Variants in VPS13B observed in about 807,000 individuals in gnomAD.
VPS13B encodes intermembrane lipid transfer protein VPS13B.
VPS13B carries 285 observed loss-of-function variants against 426.4 expected under a neutral mutation model. The ratio of observed to expected loss-of-function variants is 0.67; its 90% CI spans 0.61 to 0.74. The LOEUF (loss-of-function observed/expected upper bound fraction) is 0.74, where lower values mean the gene tolerates loss of function less well. Ranked by LOEUF, VPS13B falls within the 30% of genes least tolerant of loss-of-function variation. The pLI is 0.00. For synonymous variants in VPS13B, 1,676 were observed against 1,676.4 expected, an observed-to-expected ratio of 1.00 and a Z score of 0.01; for missense variants, 4,537 against 4,782.6, an observed-to-expected ratio of 0.95 and a Z score of 1.51.
intron 51 of VPS13B, among the ~76,000 whole-genome samples, chr8:99,832,118 C>T (rs1477565471): frequency 3.3e-5 from 5 of 151,764 alleles, no homozygotes; most frequent in Admixed American, 6.6e-5. Flanking sequence ...AAAAATTAGC[C>T]GGGCGTGGTG....
rs1434245435 is a variant in VPS13B, at chr8:99,172,823, TA to T, written c.2333+2661del. On this transcript the variant is annotated intron_variant, in intron 16 of 61. Transcript: ENST00000357162. The stretch of plus-strand genomic sequence containing the variant: ...GACATTATCCCAGTTACTGAGTCTT[TA>T]TGACGTACTTTTGGTTTATAGCCAT... Among the ~76,000 whole-genome samples the T allele has an allele frequency of 3.3e-5, 5 of 152,178 alleles. No individual in the cohort carries two copies. In the East Asian group the frequency reaches 9.6e-4, roughly 29 times the overall value.
chr8:99,179,236 C>T (rs963778258), intron 16 of VPS13B, among the ~76,000 whole-genome samples: 13 of 152,122 alleles, frequency 8.5e-5, no homozygotes, highest in African/African-American at 2.4e-4. Flanking sequence ...GACAGGTGTT[C>T]TTAAATACTG....
intron 23 of VPS13B, among the ~76,000 whole-genome samples, chr8:99,460,276 C>T (rs922125574): frequency 3.9e-5 from 6 of 152,104 alleles, no homozygotes; most frequent in East Asian, 1.9e-4. Context: ...TGGTGGCTCT[C>T]GGAGCTGTAT....
chr8:99,259,228 A>T (rs545748517), intron 17 of VPS13B, among the ~76,000 whole-genome samples: 1 of 152,234 alleles, frequency 6.6e-6, no homozygotes, highest in Middle Eastern at 3.4e-3. Flanking sequence ...TGTAGTATTT[A>T]ACCTCAGAAA....
At chr8:99,283,513 AG>A (rs1236511138) in intron 19 of VPS13B, among the ~76,000 whole-genome samples, 2 of 152,258 alleles carry the variant, frequency 1.3e-5, no homozygotes, top group East Asian at 3.9e-4. Flanking sequence ...AGCTGAACAG[AG>A]CGTCTATTTT....
At chr8:99,028,975 C>T (rs2132181782) in intron 2 of VPS13B, among the ~76,000 whole-genome samples, 1 of 150,000 alleles carries the variant, frequency 6.7e-6, no homozygotes, top group East Asian at 2.0e-4. Flanking sequence ...CTCCTCACTT[C>T]TCAGACGGGG....
At chr8:99,333,647 C>T (rs1810663735) in intron 19 of VPS13B, among the ~76,000 whole-genome samples, 1 of 151,904 alleles carries the variant, frequency 6.6e-6, no homozygotes, top group Admixed American at 6.6e-5. Flanking sequence ...TTTATGTCCA[C>T]ATCTACTTTC....
At chr8:99,562,669 GA>G (rs1332246678) in intron 31 of VPS13B, among the ~76,000 whole-genome samples, 1 of 152,060 alleles carries the variant, frequency 6.6e-6, no homozygotes, top group African/African-American at 2.4e-5. Flanking sequence ...ATCCTTATCA[GA>G]TATATGATTT....
chr8:99,369,227 C>T (rs988942095), intron 19 of VPS13B, among the ~76,000 whole-genome samples: 5 of 151,896 alleles, frequency 3.3e-5, no homozygotes, highest in African/African-American at 4.8e-5. Context: ...AACCTTGAGT[C>T]GCTAGCACAA....
At chr8:99,573,581 G>C (rs1273027934) in intron 31 of VPS13B, among the ~76,000 whole-genome samples, 1 of 152,100 alleles carries the variant, frequency 6.6e-6, no homozygotes, top group African/African-American at 2.4e-5. Flanking sequence ...TCTTGTTTTT[G>C]TCAGGTTTGT....
chr8:99,222,725 C>T (rs1484970646), intron 17 of VPS13B, among the ~76,000 whole-genome samples: 1 of 152,134 alleles, frequency 6.6e-6, no homozygotes, highest in Non-Finnish European at 1.5e-5. Context: ...TTAACATATA[C>T]CTCAATTTTT....
At chr8:99,598,911 C>CA (rs900108438) in intron 33 of VPS13B, among the ~76,000 whole-genome samples, 49 of 146,646 alleles carry the variant, frequency 3.3e-4, no homozygotes, top group East Asian at 1.6e-3. Flanking sequence ...ATCTCATTTG[C>CA]AAAAAAAAAA....
chr8:99,243,900 T>C (rs1817067625), intron 17 of VPS13B, among the ~76,000 whole-genome samples: 1 of 152,212 alleles, frequency 6.6e-6, no homozygotes, highest in Admixed American at 6.5e-5. Context: ...AAGTGGTTGC[T>C]CAAGTCAACT....
At chr8:99,583,806 G>C (rs1051469627) in intron 33 of VPS13B, among the ~76,000 whole-genome samples, 1 of 152,146 alleles carries the variant, frequency 6.6e-6, no homozygotes, top group African/African-American at 2.4e-5. Flanking sequence ...GTGGGTAAAG[G>C]GGGGTTTGAG....
intron 35 of VPS13B, among the ~76,000 whole-genome samples, chr8:99,674,157 A>G (rs1830828843): frequency 6.6e-6 from 1 of 151,948 alleles, no homozygotes; most frequent in Admixed American, 6.6e-5. Flanking sequence ...TTCTGTCTGG[A>G]TGGTCTACCC....
intron 23 of VPS13B, among the ~76,000 whole-genome samples, chr8:99,458,525 A>G (rs1818644395): frequency 6.6e-6 from 1 of 152,110 alleles, no homozygotes; most frequent in African/African-American, 2.4e-5. Flanking sequence ...ACTAGTTTAC[A>G]GTCCCACCAA....
At chr8:99,321,341 C>T (rs1809975848) in intron 19 of VPS13B, among the ~76,000 whole-genome samples, 1 of 151,740 alleles carries the variant, frequency 6.6e-6, no homozygotes, top group East Asian at 1.9e-4. Flanking sequence ...TCCTGAGCAG[C>T]CAGGATTACT....
At chr8:99,150,134 G>A (rs778218303) in intron 14 of VPS13B, among the ~76,000 whole-genome samples, 15 of 152,130 alleles carry the variant, frequency 9.9e-5, no homozygotes, top group Non-Finnish European at 1.9e-4. Flanking sequence ...AGTGTATTAC[G>A]ATTAAGAGAT....
intron 19 of VPS13B, among the ~76,000 whole-genome samples, chr8:99,285,521 G>T (rs1016991466): frequency 6.6e-6 from 1 of 151,918 alleles, no homozygotes; most frequent in Non-Finnish European, 1.5e-5. Context: ...TAGAAAATAC[G>T]GACTATCTCA....
Sources: allele counts gnomAD v4.1 joint callset (sites outside exome capture counted in the v4.1 genomes callset), GRCh38; gene constraint gnomAD v4.1.1; transcripts MANE v1.5; gene names NCBI Gene and HGNC (gene_info 2026-07-23, HGNC 2026-07-21).